The following MGST2 variants were observed in gnomAD, a reference collection of about 807,000 sequenced individuals.
MGST2 encodes glutathione peroxidase MGST2.
In MGST2, 9 loss-of-function variants were observed where a neutral mutation model predicts 16.6. The ratio of observed to expected loss-of-function variants is 0.54; its 90% CI spans 0.33 to 0.95. The LOEUF is 0.95. Among genes scored for constraint, MGST2 ranks in the 40% least tolerant of loss-of-function variants. The probability of loss-of-function intolerance (pLI) is 0.03; values close to 1 mark genes in which losing one functional copy is unlikely to be tolerated. For missense variants in MGST2, 159 were observed against 175.1 expected (o/e 0.91, Z 0.52); for synonymous variants, 79 against 68.0 (o/e 1.16, Z -0.79).
chr4:139,749,131 GA>G, the MGST2 span, among the ~76,000 whole-genome samples: 61 of 152,260 alleles, frequency 4.0e-4, no homozygotes, highest in South Asian at 0.013. Flanking sequence ...TCTTCAAATT[GA>G]GAAAAGGCAA....
At position 139,666,133 on chromosome 4, in the gene MGST2, T is replaced by TGTGA. The variant is rs1431748371; in HGVS notation, c.58+57_58+58insTGAG. The stretch of plus-strand genomic sequence containing the variant: ...GCGTGTGTGCGTGTGTGTGTGTGTG[T>TGTGA]GACAAGGCTTGCGGGAGAGAGAGGG... On this transcript the variant is annotated intron_variant, in intron 1 of 4. Transcript: ENST00000265498. 1.6e-5 allele frequency: 24 copies of TGTGA among 1,542,228 alleles called. No homozygotes were observed. The Middle Eastern group carries it at 5.7e-4, about 37-fold the overall frequency.
chr4:139,690,876 T>C (rs919264479), intron 2 of MGST2, among the ~76,000 whole-genome samples: 2 of 152,208 alleles, frequency 1.3e-5, no homozygotes, highest in African/African-American at 4.8e-5. Context: ...GCAGTAGTCC[T>C]GAGCCCCCAG....
At chr4:139,724,825 A>G (rs1466176965) in intron 5 of MGST2, among the ~76,000 whole-genome samples, 1 of 143,612 alleles carries the variant, frequency 7.0e-6, no homozygotes, top group Admixed American at 7.2e-5. Context: ...CCCAGGCTGG[A>G]GTAGCTCACT....
the MGST2 span, among the ~76,000 whole-genome samples, chr4:139,746,361 G>C: frequency 6.6e-6 from 1 of 152,170 alleles, no homozygotes; most frequent in Non-Finnish European, 1.5e-5. Context: ...TACCTTGGTG[G>C]TTTCAGGTAA....
intron 5 of MGST2, chr4:139,719,828 A>G: frequency 6.2e-7 from 1 of 1,613,628 alleles, no homozygotes; most frequent in Non-Finnish European, 8.5e-7. Context: ...CCTCCCAGGC[A>G]TGCCCTGCAA....
chr4:139,671,592 G>T (rs1003477621), intron 1 of MGST2, among the ~76,000 whole-genome samples: 1 of 151,844 alleles, frequency 6.6e-6, no homozygotes, highest in Non-Finnish European at 1.5e-5. Context: ...TCAGCCTCCC[G>T]AGTAGCTGGG....
intron 2 of MGST2, among the ~76,000 whole-genome samples, chr4:139,694,434 C>G (rs1339382433): frequency 6.6e-6 from 1 of 151,984 alleles, no homozygotes; most frequent in Admixed American, 6.6e-5. Context: ...GTGAAATTGT[C>G]AGCAAAGAGC....
chr4:139,697,194 C>G (rs1009671695), intron 3 of MGST2, among the ~76,000 whole-genome samples: 6 of 152,014 alleles, frequency 3.9e-5, no homozygotes, highest in Non-Finnish European at 4.4e-5. Flanking sequence ...AAGGGCAGTC[C>G]TGATTATAAA....
chr4:139,720,399 C>T (rs1728188800), intron 5 of MGST2: 2 of 1,356,908 alleles, frequency 1.5e-6, no homozygotes, highest in Admixed American at 3.1e-5. Flanking sequence ...TTGGAATTTT[C>T]TTTGGGAATG....
chr4:139,718,220 G>T (rs905082636), intron 5 of MGST2: 2 of 152,220 alleles, frequency 1.3e-5, no homozygotes, highest in Non-Finnish European at 2.9e-5. Flanking sequence ...CAGCCCTCTT[G>T]GTTCCAGGCA....
At chr4:139,751,085 G>C in the MGST2 span, among the ~76,000 whole-genome samples, 1 of 152,196 alleles carries the variant, frequency 6.6e-6, no homozygotes, top group South Asian at 2.1e-4. Flanking sequence ...CTGGCCTGCA[G>C]AGTAGGCAAA....
rs189061397 is a variant in MGST2 at position 139,673,510 on chromosome 4, G to A, written c.59-5033G>A. Reference sequence around the variant, plus strand: ...CAGCCTTGTCCTCCCAGGCTCAAGCGATCCTGCCTACTCAGCCTCCTAAGT... The same window carrying A: ...CAGCCTTGTCCTCCCAGGCTCAAGCAATCCTGCCTACTCAGCCTCCTAAGT... On this transcript the variant is annotated intron_variant, in intron 1 of 4. Coordinates refer to ENST00000265498, the MANE Select transcript of MGST2 (RefSeq NM_002413.5). Among the ~76,000 whole-genome samples the A allele has an allele frequency of 5.3e-5, 8 of 152,202 alleles. No individual in the cohort carries two copies. In the East Asian group the frequency reaches 7.7e-4, roughly 15 times the overall value.
intron 2 of MGST2, among the ~76,000 whole-genome samples, chr4:139,693,478 T>C (rs528947368): frequency 5.9e-5 from 9 of 152,194 alleles, no homozygotes; most frequent in African/African-American, 2.2e-4. Flanking sequence ...ACTACTACAT[T>C]TTACCTCGTG....
At chr4:139,741,833 G>A (rs1729175002), downstream of MGST2, among the ~76,000 whole-genome samples, 2 of 152,210 alleles carry the variant, frequency 1.3e-5, no homozygotes, top group East Asian at 1.9e-4. Context: ...TTTATCTTGT[G>A]CACGGTATAA....
chr4:139,671,105 T>G (rs375099119), intron 1 of MGST2, among the ~76,000 whole-genome samples: 34 of 152,226 alleles, frequency 2.2e-4, no homozygotes, highest in East Asian at 7.7e-4. Context: ...GCTTTGTTAG[T>G]CTTATGATCC....
chr4:139,714,923 A>G (rs778924123), intron 5 of MGST2, among the ~76,000 whole-genome samples: 1 of 152,186 alleles, frequency 6.6e-6, no homozygotes, highest in Non-Finnish European at 1.5e-5. Context: ...GATCCTGTAC[A>G]TTCCTAATTC....
chr4:139,725,055 G>T (rs1393197925), intron 5 of MGST2, among the ~76,000 whole-genome samples: 1 of 152,116 alleles, frequency 6.6e-6, no homozygotes, highest in African/African-American at 2.4e-5. Context: ...CACCGCACCC[G>T]GCCAAGGGCT....
rs920475528 is a variant in MGST2, at chr4:139,686,561, AAG to A, written c.158+7921_158+7922del. 1.2e-4 allele frequency among the ~76,000 whole-genome samples: 19 copies of A among 152,326 alleles called. 1 individual carries two copies. Among genetic ancestry groups the A allele is most frequent in the African/African-American group, 4.1e-4 (17 of 41,576 alleles). Reference sequence around the variant, plus strand: ...TGGTTTACACCCTATTCAACAGAGAAAGAATCTCATGGTCAGAGCCGTCAGCA... The same window carrying A: ...TGGTTTACACCCTATTCAACAGAGAAAATCTCATGGTCAGAGCCGTCAGCA... On this transcript the variant is annotated intron_variant, in intron 2 of 4. Coordinates refer to ENST00000265498, the MANE Select transcript of MGST2 (RefSeq NM_002413.5).
At chr4:139,690,211 T>G (rs923378910) in intron 2 of MGST2, among the ~76,000 whole-genome samples, 7 of 152,130 alleles carry the variant, frequency 4.6e-5, no homozygotes, top group African/African-American at 1.4e-4. Flanking sequence ...AGGCTGGTCT[T>G]GAACTCCTGA....
Sources: allele counts gnomAD v4.1 joint callset (sites outside exome capture counted in the v4.1 genomes callset), GRCh38; gene constraint gnomAD v4.1.1; transcripts MANE v1.5; gene names NCBI Gene and HGNC (gene_info 2026-07-23, HGNC 2026-07-21).